Variants in PLCE1 observed in about 807,000 individuals in gnomAD.
The protein encoded by PLCE1 is 1-phosphatidylinositol 4,5-bisphosphate phosphodiesterase epsilon-1.
Under a neutral mutation model 242.8 loss-of-function variants are expected in PLCE1, and 119 were observed. The ratio of observed to expected loss-of-function variants is 0.49; its 90% CI spans 0.42 to 0.57. The LOEUF is 0.57. PLCE1 is among the 20% of genes least tolerant of loss of function. The pLI, the probability that PLCE1 is intolerant of heterozygous loss-of-function variation, is 0.00. For synonymous variants in PLCE1, 945 were observed against 1,017.4 expected (o/e 0.93, Z 1.35); for missense variants, 2,441 against 2,788.8 (o/e 0.88, Z 2.81).
chr10:94,118,742 G>T lies in PLCE1; in HGVS notation c.1207-13432G>T, dbSNP rs938053467. Among the ~76,000 whole-genome samples, 8 of 152,164 alleles carry T rather than the reference G, an allele frequency of 5.3e-5. No individual in the cohort carries two copies. In the East Asian group the frequency reaches 1.5e-3, roughly 29 times the overall value. ...TCGCAAATTGCCCAATCTTGGGTAT[G>T]TCTTTATCAGCACCGTGAAAACGGA... On this transcript the variant is annotated intron_variant, in intron 2 of 32. Transcript: ENST00000371380.
intron 3 of PLCE1, chr10:94,138,439 A>T (rs971971920): frequency 7.2e-6 from 3 of 415,254 alleles, no homozygotes; most frequent in Non-Finnish European, 1.4e-5. Flanking sequence ...TTAACCACCC[A>T]CTCTGAGATG....
At chr10:94,027,226 C>G (rs1413719354) in intron 1 of PLCE1, among the ~76,000 whole-genome samples, 1 of 152,196 alleles carries the variant, frequency 6.6e-6, no homozygotes, top group Non-Finnish European at 1.5e-5. Flanking sequence ...GCACTGTCTG[C>G]TTTAGATGTT....
At chr10:94,018,152 G>A (rs533999459) in intron 1 of PLCE1, among the ~76,000 whole-genome samples, 1 of 152,288 alleles carries the variant, frequency 6.6e-6, no homozygotes, top group African/African-American at 2.4e-5. Flanking sequence ...ATTTAAAATT[G>A]CTTATAATAC....
intron 1 of PLCE1, among the ~76,000 whole-genome samples, chr10:94,017,611 T>C (rs1409162995): frequency 6.6e-6 from 1 of 152,122 alleles, no homozygotes; most frequent in African/African-American, 2.4e-5. Flanking sequence ...AGGCCTTCAA[T>C]TGGTGTTGGT....
intron 8 of PLCE1, among the ~76,000 whole-genome samples, chr10:94,250,920 T>C (rs1350706031): frequency 6.6e-6 from 1 of 152,216 alleles, no homozygotes; most frequent in African/African-American, 2.4e-5. Context: ...AAGTCACTCC[T>C]AGTGACTTGT....
At position 94,263,681 on chromosome 10, in the gene PLCE1, G is replaced by A. The variant is rs140883619; in HGVS notation, c.4053+949G>A. On this transcript the variant is annotated intron_variant, in intron 14 of 32. Transcript: ENST00000371380. The stretch of plus-strand genomic sequence containing the variant: ...CGCACACCAGTCTGGGTAACAGAGC[G>A]AAACCCTGTCTCAAAAAAACAAACA... 1.8e-3 allele frequency among the ~76,000 whole-genome samples: 268 copies of A among 152,012 alleles called. 3 individuals are homozygous for A. The highest frequency in any genetic ancestry group is 6.1e-3 in the African/African-American group (251 of 41,468).
At chr10:94,177,590 G>T (rs1046885449) in intron 4 of PLCE1, among the ~76,000 whole-genome samples, 2 of 152,218 alleles carry the variant, frequency 1.3e-5, no homozygotes, top group Middle Eastern at 6.8e-3. Context: ...TCTCCTTTCA[G>T]GTGGAGCAGC....
intron 2 of PLCE1, among the ~76,000 whole-genome samples, chr10:94,091,856 T>TA (rs972803820): frequency 6.6e-5 from 10 of 151,178 alleles, no homozygotes; most frequent in East Asian, 1.9e-4. Context: ...CTGGCCAAGC[T>TA]AAAAAAAAAT....
chr10:94,231,220 G>T (rs991223430), intron 5 of PLCE1, among the ~76,000 whole-genome samples: 1 of 152,070 alleles, frequency 6.6e-6, no homozygotes, highest in East Asian at 1.9e-4. Flanking sequence ...GCTGAAGTTT[G>T]CCCTTTGCCC....
At chr10:94,114,149 G>A (rs1436337690) in intron 2 of PLCE1, among the ~76,000 whole-genome samples, 1 of 152,272 alleles carries the variant, frequency 6.6e-6, no homozygotes, top group African/African-American at 2.4e-5. Flanking sequence ...TTGCAAAGTC[G>A]CAGCCGAAGG....
chr10:94,235,872 G>A, intron 6 of PLCE1, 43 bp from the exon 7 acceptor site: 6 of 1,541,262 alleles, frequency 3.9e-6, no homozygotes, highest in Non-Finnish European at 5.4e-6. Flanking sequence ...TGTTATCCAG[G>A]CATATTAAGT....
At chr10:94,058,582 T>C (rs1353036094) in intron 2 of PLCE1, among the ~76,000 whole-genome samples, 1 of 152,166 alleles carries the variant, frequency 6.6e-6, no homozygotes, top group Non-Finnish European at 1.5e-5. Flanking sequence ...CTGACTTATG[T>C]GTCTCCCTCC....
chr10:94,203,176 C>T (rs2049036275), intron 4 of PLCE1, among the ~76,000 whole-genome samples: 1 of 152,292 alleles, frequency 6.6e-6, no homozygotes, highest in South Asian at 2.1e-4. Context: ...AACTAGAATT[C>T]AGGGAAGTCT....
At position 94,007,424 on chromosome 10, in the gene PLCE1, C is replaced by T. The variant is rs1211867163; in HGVS notation, c.-365+13166C>T. ...TAAGCAGTGTAAACAAACCCTTGCC[C>T]AAGTGGGAACTAGTTCCACTGCCTT... On this transcript the variant is annotated intron_variant, in intron 1 of 32. Transcript: ENST00000371380. Among the ~76,000 whole-genome samples, 3 of 152,024 alleles carry T rather than the reference C, an allele frequency of 2.0e-5. No homozygotes were observed. In the East Asian group the frequency reaches 5.8e-4, roughly 29 times the overall value.
intron 28 of PLCE1, among the ~76,000 whole-genome samples, chr10:94,313,785 G>A (rs1192278271): frequency 6.6e-6 from 1 of 152,170 alleles, no homozygotes; most frequent in Non-Finnish European, 1.5e-5. Flanking sequence ...CACATTAGGT[G>A]AATGGAATCT....
chr10:94,308,691 G>T lies in PLCE1; in HGVS notation c.5995G>T (p.Ala1999Ser). 1 of 1,583,024 alleles carries T rather than the reference G, an allele frequency of 6.3e-7. No homozygotes were observed. The highest frequency in any genetic ancestry group is 1.7e-5 in the Admixed American group (1 of 60,008). ...EENSSGNTMS[A>S]SSMFNTEERK... ...AAATTCCTCTGGCAATACCATGTCA[G>T]CCTCTTCGGTAATGAAGTTCTGTTT... is the stretch of plus-strand genomic sequence containing the variant. The change falls in exon 27 of 33, where the codon GCC becomes TCC. Residue 1999 changes from alanine (A) to serine (S), a missense_variant. By Grantham distance (99) the Ala-to-Ser change is moderately conservative. This residue lies in a region of PLCE1 where 1,004 missense variants were observed against 1,322.7 expected (regional missense o/e 0.76). Coordinates refer to ENST00000371380, the MANE Select transcript of PLCE1 (RefSeq NM_016341.4).
chr10:94,073,997 C>T (rs2044432222), intron 2 of PLCE1, among the ~76,000 whole-genome samples: 1 of 152,084 alleles, frequency 6.6e-6, no homozygotes, highest in African/African-American at 2.4e-5. Flanking sequence ...GTTTCAGTCC[C>T]TTGTCTGAGG....
At chr10:94,175,902 C>A (rs185831756) in intron 4 of PLCE1, among the ~76,000 whole-genome samples, 148 of 152,230 alleles carry the variant, frequency 9.7e-4, no homozygotes, top group African/African-American at 3.3e-3. Context: ...ATTACAAGAT[C>A]TTATTCTTTT....
chr10:94,196,847 T>C (rs1333260123), intron 4 of PLCE1, among the ~76,000 whole-genome samples: 2 of 152,156 alleles, frequency 1.3e-5, no homozygotes, highest in Non-Finnish European at 2.9e-5. Context: ...ACAATTTATA[T>C]ACTGTATAAT....
Sources: gnomAD v4.1 joint callset for allele counts (sites outside exome capture counted in the v4.1 genomes callset) on GRCh38, gnomAD v4.1.1 for gene constraint, gnomAD v4.1.1 regional missense constraint, MANE v1.5 for transcripts, NCBI Gene and HGNC (gene_info 2026-07-23, HGNC 2026-07-21) for gene names.